The following VPS41 variants were observed in gnomAD, a reference collection of about 807,000 sequenced individuals.
VPS41 encodes vacuolar protein sorting-associated protein 41 homolog.
In VPS41, 85 loss-of-function variants were observed where a neutral mutation model predicts 130.9. That is an observed-to-expected ratio of 0.65 (90% CI 0.55 to 0.78). The LOEUF is 0.78. Among genes scored for constraint, VPS41 ranks in the 30% least tolerant of loss-of-function variants. The probability of loss-of-function intolerance (pLI) is 0.00; values close to 1 mark genes in which losing one functional copy is unlikely to be tolerated. For synonymous variants in VPS41, 335 were observed against 332.9 expected (o/e 1.01, Z -0.07); for missense variants, 874 against 1,018.7 (o/e 0.86, Z 1.93).
rs183933460 is a variant in VPS41, at chr7:38,893,081, C to T, written c.60+5010G>A. On this transcript the variant is annotated intron_variant, in intron 2 of 28. Transcript: ENST00000310301. ...TCACCAACCCCTTCCCTACTCTCAA[C>T]AATCAAACTTTTGGGTGGCTCCCCG... Among the ~76,000 whole-genome samples the T allele has an allele frequency of 8.0e-4, 122 of 152,284 alleles. 1 individual carries two copies. The highest frequency in any genetic ancestry group is 1.4e-3 in the Admixed American group (22 of 15,290).
intron 15 of VPS41, chr7:38,765,893 A>G: frequency 2.5e-6 from 1 of 395,402 alleles, no homozygotes; most frequent in Non-Finnish European, 4.4e-6. Context: ...ATGCTTATAA[A>G]TAAAGATGAA....
chr7:38,896,415 T>C (rs151278081), intron 2 of VPS41, among the ~76,000 whole-genome samples: 321 of 152,328 alleles, frequency 2.1e-3, no homozygotes, highest in African/African-American at 7.6e-3. Context: ...TTAGAAACCA[T>C]GACTACACAA....
chr7:38,756,852 C>G lies in VPS41; in HGVS notation c.1681G>C (p.Asp561His). 6.4e-7 allele frequency: 1 copy of G among 1,572,486 alleles called. No homozygotes were observed. Among genetic ancestry groups the G allele is most frequent in the African/African-American group, 1.4e-5 (1 of 73,558 alleles). The change falls in exon 19 of 29, where the codon GAT (aspartate) becomes CAT (histidine). Residue 561 changes from aspartate (D) to histidine (H), a missense_variant. Physicochemically the swap from Asp to His is moderately conservative, Grantham distance 81. Transcript: ENST00000310301. ...SIKDKIVLLM[D>H]FDSEKAVDML... ...AAGCACATTACCTCTGAATCAAAAT[C>G]CATTAATAAAACAATTTTATCCTTG...
intron 18 of VPS41, 23 bp from the exon 19 acceptor site, chr7:38,757,005 T>C: frequency 6.5e-7 from 1 of 1,547,084 alleles, no homozygotes; most frequent in Admixed American, 1.7e-5. Flanking sequence ...ATTTTTTACA[T>C]TAATATTCAT....
rs182964447 is a variant in VPS41, at chr7:38,857,786, G to T, written c.246+4759C>A. Among the ~76,000 whole-genome samples, 20 of 152,294 alleles carry T rather than the reference G, an allele frequency of 1.3e-4. No individual in the cohort carries two copies. In the East Asian group the frequency reaches 3.9e-3, roughly 29 times the overall value. On this transcript the variant is annotated intron_variant, in intron 4 of 28. Coordinates refer to ENST00000310301, the MANE Select transcript of VPS41 (RefSeq NM_014396.4). ...GGGGTCCTCAGAACATGTGCCCAAG[G>T]TGGTTGGGTTACAGCTTGATTTTAT...
chr7:38,834,106 T>TA (rs58118786), intron 4 of VPS41, among the ~76,000 whole-genome samples: 60 of 147,960 alleles, frequency 4.1e-4, no homozygotes, highest in South Asian at 4.3e-4. Flanking sequence ...TCATGGTATT[T>TA]AAAAAAAAAA....
chr7:38,789,542 C>A (rs1394311234), intron 10 of VPS41, among the ~76,000 whole-genome samples: 1 of 152,060 alleles, frequency 6.6e-6, no homozygotes, highest in Admixed American at 6.6e-5. Flanking sequence ...CAACACAGAT[C>A]CCCGTGATCC....
Position 38,875,408 on chromosome 7 carries a change from GTCT to G in VPS41, c.61-6158_61-6156del, listed in dbSNP as rs1786471785. 7.9e-5 allele frequency among the ~76,000 whole-genome samples: 12 copies of G among 152,248 alleles called. 1 individual carries two copies. In the South Asian group the frequency reaches 2.5e-3, roughly 32 times the overall value. On this transcript the variant is annotated intron_variant, in intron 2 of 28. Coordinates refer to ENST00000310301, the MANE Select transcript of VPS41 (RefSeq NM_014396.4). ...GGTAAAGTTCAAAATGAATCAAAAA[GTCT>G]TCAATCAGCTTTGTATCGCCCACCA...
At chr7:38,834,695 TAAG>T (rs1203834973) in intron 4 of VPS41, among the ~76,000 whole-genome samples, 1 of 152,164 alleles carries the variant, frequency 6.6e-6, no homozygotes, top group Non-Finnish European at 1.5e-5. Flanking sequence ...ATTAAAAATT[TAAG>T]AAGATCAAAA....
intron 25 of VPS41, among the ~76,000 whole-genome samples, chr7:38,735,507 G>A (rs1795745924): frequency 6.6e-6 from 1 of 152,028 alleles, no homozygotes; most frequent in African/African-American, 2.4e-5. Flanking sequence ...CTCTGTGTGT[G>A]TACATGTGTA....
In VPS41 at chr7:38,812,799, T is replaced by A. The variant is rs966261344; in HGVS notation, c.450+5018A>T. Among the ~76,000 whole-genome samples the A allele has an allele frequency of 3.9e-5, 6 of 152,144 alleles. No individual in the cohort carries two copies. The East Asian group carries it at 7.7e-4, about 20-fold the overall frequency. ...GCACAGGAAAACATGGTCAACATCATCAGTCATTAGAAGAAAGTCAAAACC... is the reference window on the plus strand; with the variant it reads ...GCACAGGAAAACATGGTCAACATCAACAGTCATTAGAAGAAAGTCAAAACC... On this transcript the variant is annotated intron_variant, in intron 7 of 28. Transcript: ENST00000310301.
At chr7:38,840,381 T>C (rs1785585561) in intron 4 of VPS41, among the ~76,000 whole-genome samples, 1 of 152,194 alleles carries the variant, frequency 6.6e-6, no homozygotes, top group Non-Finnish European at 1.5e-5. Context: ...CATGAACCCA[T>C]TGCACACTGT....
intron 4 of VPS41, among the ~76,000 whole-genome samples, chr7:38,831,997 T>G (rs922313718): frequency 9.2e-5 from 14 of 151,564 alleles, no homozygotes; most frequent in African/African-American, 2.7e-4. Context: ...AATAGAAGGG[T>G]TTTTTTTCAC....
intron 4 of VPS41, among the ~76,000 whole-genome samples, chr7:38,859,524 T>G (rs963008202): frequency 6.6e-6 from 1 of 152,288 alleles, no homozygotes. Context: ...TATTTAGGTA[T>G]GTTTAAATGC....
chr7:38,795,331 A>G lies in VPS41; in HGVS notation c.717+134T>C, dbSNP rs76354811. Reference sequence around the variant, plus strand: ...GCACAGGAAATAATTTGAGCATTAAATGGTAATCACGTCACAATAACATCC... The same window carrying G: ...GCACAGGAAATAATTTGAGCATTAAGTGGTAATCACGTCACAATAACATCC... On this transcript the variant is annotated intron_variant, in intron 9 of 28. Transcript: ENST00000310301. 11 of 597,734 alleles carry G rather than the reference A, an allele frequency of 1.8e-5. No individual in the cohort carries two copies. In the South Asian group the frequency reaches 3.5e-4, roughly 19 times the overall value. The allele number at this position is 597,734 out of a possible 1,614,324, so 37.0% of individuals were successfully genotyped here.
intron 4 of VPS41, among the ~76,000 whole-genome samples, chr7:38,856,198 C>A (rs1785980911): frequency 6.6e-6 from 1 of 152,160 alleles, no homozygotes; most frequent in African/African-American, 2.4e-5. Flanking sequence ...GCTCTGTCAA[C>A]CAGGCTAGAG....
chr7:38,759,691 T>C lies in VPS41; in HGVS notation c.1423-1210A>G, dbSNP rs188223490. On this transcript the variant is annotated intron_variant, in intron 17 of 28. Transcript: ENST00000310301. ...TAAAGTGCATGGACAAGAGTTTAGG[T>C]TGGACTTGCCCCATCCCCATTCTGG... Among the ~76,000 whole-genome samples, 682 of 152,278 alleles carry C rather than the reference T, an allele frequency of 4.5e-3. 4 individuals carry two copies. Among genetic ancestry groups the C allele is most frequent in the African/African-American group, 0.016 (657 of 41,558 alleles).
chr7:38,743,535 C>T lies in VPS41; in HGVS notation c.1989G>A (p.Met663Ile). 1.2e-6 allele frequency: 2 copies of T among 1,613,648 alleles called. No individual in the cohort carries two copies. Among genetic ancestry groups the T allele is most frequent in the Non-Finnish European group, 1.7e-6 (2 of 1,179,734 alleles). The change falls in exon 24 of 29, where the codon ATG becomes ATA. Residue 663 changes from methionine to isoleucine, a missense_variant. Physicochemically the swap from Met to Ile is conservative, Grantham distance 10. Coordinates refer to ENST00000310301, the MANE Select transcript of VPS41 (RefSeq NM_014396.4). ...VEETVYLLSR[M>I]GNSRSALKMI... is the part of the protein sequence containing the mutation. Reference sequence around the variant, plus strand: ...TCTTCAGGGCACTTCGGCTATTACCCATTCGGCCTTGGTGGGGTGAAGATG... The same window carrying T: ...TCTTCAGGGCACTTCGGCTATTACCTATTCGGCCTTGGTGGGGTGAAGATG...
At chr7:38,805,269 T>C (rs1425520495) in intron 7 of VPS41, among the ~76,000 whole-genome samples, 2 of 152,222 alleles carry the variant, frequency 1.3e-5, no homozygotes, top group African/African-American at 4.8e-5. Flanking sequence ...GCGCAGTGGC[T>C]CACGCCTGTA....
Sources: allele counts gnomAD v4.1 joint callset (sites outside exome capture counted in the v4.1 genomes callset), GRCh38; gene constraint gnomAD v4.1.1; transcripts MANE v1.5; gene names NCBI Gene and HGNC (gene_info 2026-07-23, HGNC 2026-07-21).